The following MAGI2 variants were observed in gnomAD, a reference collection of about 807,000 sequenced individuals.
MAGI2 encodes membrane associated guanylate kinase, WW and PDZ domain containing 2, also known as membrane-associated guanylate kinase, WW and PDZ domain-containing protein 2.
In MAGI2, 35 loss-of-function variants were observed where a neutral mutation model predicts 133.3. The ratio of observed to expected loss-of-function variants is 0.26; its 90% CI spans 0.20 to 0.35. The LOEUF (loss-of-function observed/expected upper bound fraction) is 0.35, where lower values mean the gene tolerates loss of function less well. Among genes scored for constraint, MAGI2 ranks in the 10% least tolerant of loss-of-function variants. The probability of loss-of-function intolerance (pLI) is 1.00; values close to 1 mark genes in which losing one functional copy is unlikely to be tolerated. For missense variants in MAGI2, 1,636 were observed against 1,863.4 expected (o/e 0.88, Z 2.25); for synonymous variants, 729 against 710.6 (o/e 1.03, Z -0.41).
At chr7:79,370,265 T>C (rs910490376) in intron 1 of MAGI2, among the ~76,000 whole-genome samples, 1 of 152,176 alleles carries the variant, frequency 6.6e-6, no homozygotes, top group African/African-American at 2.4e-5. Flanking sequence ...CATTTTCTCA[T>C]GCTTTCATGC....
rs548365043 is a variant in MAGI2, at chr7:78,673,432, A to G, written c.419-46193T>C. Among the ~76,000 whole-genome samples the G allele has an allele frequency of 1.4e-4, 22 of 152,030 alleles. No homozygotes were observed. The East Asian group carries it at 4.1e-3, about 28-fold the overall frequency. The stretch of plus-strand genomic sequence containing the variant: ...TGAGACCCAGGACAGCCAAGTACCA[A>G]GTACTTGGTCACAGTCCAAGTACCA... On this transcript the variant is annotated intron_variant, in intron 2 of 21. Transcript: ENST00000354212.
At chr7:78,277,771 T>C (rs1332960377) in intron 9 of MAGI2, among the ~76,000 whole-genome samples, 1 of 152,166 alleles carries the variant, frequency 6.6e-6, no homozygotes, top group Non-Finnish European at 1.5e-5. Flanking sequence ...AGTAGGCTAC[T>C]GAGAGTAGAG....
intron 2 of MAGI2, among the ~76,000 whole-genome samples, chr7:78,948,947 A>G (rs977604156): frequency 6.6e-6 from 1 of 152,094 alleles, no homozygotes; most frequent in Non-Finnish European, 1.5e-5. Flanking sequence ...ACTGAATTCT[A>G]AAGAGAAAAA....
At chr7:78,125,291 G>A (rs371273383) in intron 20 of MAGI2, among the ~76,000 whole-genome samples, 64 of 151,928 alleles carry the variant, frequency 4.2e-4, no homozygotes, top group Middle Eastern at 3.2e-3. Flanking sequence ...TAAAAGTCCC[G>A]CAAAACCATG....
At position 78,691,620 on chromosome 7, in the gene MAGI2, G is replaced by A. The variant is rs1044981760; in HGVS notation, c.419-64381C>T. Reference sequence around the variant, plus strand: ...AGTCATATTCTAGGAACTGCAAGAAGTTTAGCTTGACCAAAAGAGCAGACT... The same window carrying A: ...AGTCATATTCTAGGAACTGCAAGAAATTTAGCTTGACCAAAAGAGCAGACT... On this transcript the variant is annotated intron_variant, in intron 2 of 21. Coordinates refer to ENST00000354212, the MANE Select transcript of MAGI2 (RefSeq NM_012301.4). Among the ~76,000 whole-genome samples, 4 of 152,154 alleles carry A rather than the reference G, an allele frequency of 2.6e-5. No homozygotes were observed. In the East Asian group the frequency reaches 7.7e-4, roughly 29 times the overall value.
chr7:78,108,823 A>T (rs1237517828), intron 20 of MAGI2, among the ~76,000 whole-genome samples: 3 of 152,078 alleles, frequency 2.0e-5, no homozygotes, highest in Non-Finnish European at 4.4e-5. Flanking sequence ...AATAACAGAG[A>T]ACTTCCCAAA....
chr7:78,266,498 C>T (rs1463250581), intron 9 of MAGI2, among the ~76,000 whole-genome samples: 1 of 151,900 alleles, frequency 6.6e-6, no homozygotes, highest in Admixed American at 6.6e-5. Context: ...CCAACACACT[C>T]AGCCAGAGCA....
intron 10 of MAGI2, among the ~76,000 whole-genome samples, chr7:78,204,237 A>G (rs1563257088): frequency 1.3e-5 from 2 of 152,172 alleles, no homozygotes; most frequent in Non-Finnish European, 2.9e-5. Context: ...CTGCTTGCTA[A>G]ATTTCGCCTT....
intron 2 of MAGI2, among the ~76,000 whole-genome samples, chr7:78,754,393 A>G (rs1470378498): frequency 6.6e-6 from 1 of 151,890 alleles, no homozygotes; most frequent in African/African-American, 2.4e-5. Flanking sequence ...AAATAAATAA[A>G]TAAATAAATA....
intron 6 of MAGI2, among the ~76,000 whole-genome samples, chr7:78,454,891 T>A (rs181232503): frequency 6.6e-6 from 1 of 151,980 alleles, no homozygotes; most frequent in East Asian, 1.9e-4. Context: ...AAAAGATCAG[T>A]GGTTAAGGGT....
intron 9 of MAGI2, among the ~76,000 whole-genome samples, chr7:78,310,178 T>G (rs1225460214): frequency 6.6e-6 from 1 of 152,216 alleles, no homozygotes; most frequent in Non-Finnish European, 1.5e-5. Context: ...GGCTCACAAC[T>G]GTAATCCCAG....
intron 20 of MAGI2, among the ~76,000 whole-genome samples, chr7:78,079,327 A>G (rs1180257806): frequency 6.6e-6 from 1 of 152,184 alleles, no homozygotes; most frequent in Non-Finnish European, 1.5e-5. Flanking sequence ...GTTACTTATT[A>G]TGTTACTTAT....
intron 20 of MAGI2, among the ~76,000 whole-genome samples, chr7:78,090,682 T>TA (rs1817104080): frequency 6.6e-6 from 1 of 152,230 alleles, no homozygotes. Flanking sequence ...ATATTTGTTA[T>TA]AATATGAAGA....
At chr7:79,119,291 C>A (rs761486769) in intron 1 of MAGI2, among the ~76,000 whole-genome samples, 1 of 152,000 alleles carries the variant, frequency 6.6e-6, no homozygotes, top group African/African-American at 2.4e-5. Flanking sequence ...TTCCAGGACA[C>A]GTTTCAAAGC....
At chr7:78,417,290 A>G (rs1346838372) in intron 6 of MAGI2, among the ~76,000 whole-genome samples, 1 of 132,674 alleles carries the variant, frequency 7.5e-6, no homozygotes, top group Non-Finnish European at 1.6e-5. Context: ...AATCCATAAA[A>G]TAAAACCATT....
At chr7:78,253,884 C>T (rs1191036040) in intron 10 of MAGI2, 1 of 152,138 alleles carries the variant, frequency 6.6e-6, no homozygotes, top group Non-Finnish European at 1.5e-5. Flanking sequence ...GTCATAGGCA[C>T]TTCTGGTAGC....
chr7:79,123,358 C>T (rs535175954), intron 1 of MAGI2, among the ~76,000 whole-genome samples: 84 of 152,214 alleles, frequency 5.5e-4, no homozygotes, highest in African/African-American at 1.8e-3. Context: ...AGATAGATAT[C>T]GGTTTAAATT....
In MAGI2 at chr7:78,019,475, T is replaced by C. The variant is rs1248048809; in HGVS notation, c.4208A>G (p.Glu1403Gly). 3.1e-6 allele frequency: 3 copies of C among 979,324 alleles called. No individual in the cohort carries two copies. Among genetic ancestry groups the C allele is most frequent in the Non-Finnish European group, 3.6e-6 (3 of 827,900 alleles). 60.7% of individuals were successfully genotyped at this position (979,324 alleles called of 1,614,324 possible). Residue 1403 changes from glutamate (E) to glycine (G), a missense_variant, in exon 22 of 22, where the codon GAG becomes GGG. Transcript: ENST00000354212. ...ACCCGCGCGCGCACCCGCCCTGCCC[T>C]CGGCCTCCAGCGCGCCGCTGCCGCC... ...GGGGSGALEA[E>G]GRAGARAGPR...
rs1325746121 is a variant in MAGI2, at chr7:78,109,029, G to A, written c.3567+16665C>T. Among the ~76,000 whole-genome samples, 6 of 152,122 alleles carry A rather than the reference G, an allele frequency of 3.9e-5. No individual in the cohort carries two copies. The East Asian group carries it at 1.2e-3, about 29-fold the overall frequency. On this transcript the variant is annotated intron_variant, in intron 20 of 21. Coordinates refer to ENST00000354212, the MANE Select transcript of MAGI2 (RefSeq NM_012301.4). ...GCCTTTTAAAGAAAATCCGGGCTGG[G>A]CGCGGTGGCTCATGCCTGTAATCCC...
Sources: allele counts gnomAD v4.1 joint callset (sites outside exome capture counted in the v4.1 genomes callset), GRCh38; gene constraint gnomAD v4.1.1; transcripts MANE v1.5; gene names NCBI Gene and HGNC (gene_info 2026-07-23, HGNC 2026-07-21).